The following SORCS3 variants were observed in gnomAD, a reference collection of about 807,000 sequenced individuals.
The protein encoded by SORCS3 is VPS10 domain-containing receptor SorCS3.
SORCS3 carries 57 observed loss-of-function variants against 146.3 expected under a neutral mutation model. That is an observed-to-expected ratio of 0.39 (90% CI 0.31 to 0.49). SORCS3 has a LOEUF of 0.49. SORCS3 is among the 20% of genes least tolerant of loss of function. SORCS3 has a pLI of 0.92. For missense variants in SORCS3, 1,341 were observed against 1,575.5 expected, an observed-to-expected ratio of 0.85 and a Z score of 2.52; for synonymous variants, 653 against 618.5, an observed-to-expected ratio of 1.06 and a Z score of -0.83.
At chr10:104,655,368 G>A (rs1004346836) in intron 1 of SORCS3, among the ~76,000 whole-genome samples, 1 of 151,894 alleles carries the variant, frequency 6.6e-6, no homozygotes, top group Non-Finnish European at 1.5e-5. Flanking sequence ...ATTTTGTCAT[G>A]CAGGTATTTA....
rs543539568 is a variant in SORCS3, at chr10:104,968,912, T to C, written c.796-8423T>C. Among the ~76,000 whole-genome samples the C allele has an allele frequency of 5.9e-5, 9 of 152,342 alleles. No homozygotes were observed. The East Asian group carries it at 1.2e-3, about 20-fold the overall frequency. ...TATTTTGAGGGAATGATGTGTACTT[T>C]CCGATTTGACACAGTCCTCACCAGT... On this transcript the variant is annotated intron_variant, in intron 3 of 26. Coordinates refer to ENST00000369701, the MANE Select transcript of SORCS3 (RefSeq NM_014978.3).
intron 7 of SORCS3, among the ~76,000 whole-genome samples, chr10:105,126,529 A>T (rs894215020): frequency 4.6e-5 from 7 of 152,220 alleles, no homozygotes; most frequent in Non-Finnish European, 7.3e-5. Flanking sequence ...CAGTGGGAGT[A>T]TAAGTCACAC....
chr10:105,048,126 C>T (rs1407841531), intron 5 of SORCS3, among the ~76,000 whole-genome samples: 4 of 151,588 alleles, frequency 2.6e-5, no homozygotes, highest in Non-Finnish European at 5.9e-5. Flanking sequence ...GTCAGTGTGG[C>T]GATTCCTCAG....
chr10:105,239,114 G>T (rs922717106), intron 20 of SORCS3, among the ~76,000 whole-genome samples: 1 of 152,046 alleles, frequency 6.6e-6, no homozygotes, highest in African/African-American at 2.4e-5. Flanking sequence ...TATATCACTA[G>T]TTTAGTTGAG....
At chr10:104,897,341 A>G (rs2018808377) in intron 2 of SORCS3, among the ~76,000 whole-genome samples, 2 of 152,196 alleles carry the variant, frequency 1.3e-5, no homozygotes, top group Non-Finnish European at 2.9e-5. Context: ...TCCAACAATG[A>G]TCTCAAACCC....
intron 2 of SORCS3, among the ~76,000 whole-genome samples, chr10:104,887,146 A>G (rs965898544): frequency 3.9e-5 from 6 of 152,214 alleles, no homozygotes; most frequent in Non-Finnish European, 7.3e-5. Flanking sequence ...AAAATTTAAA[A>G]CCTTCTGTGA....
At chr10:105,223,473 C>G in intron 20 of SORCS3, among the ~76,000 whole-genome samples, 1 of 152,322 alleles carries the variant, frequency 6.6e-6, no homozygotes, top group South Asian at 2.1e-4. Context: ...CTTTGAGAAA[C>G]TCTGCAAACC....
intron 20 of SORCS3, among the ~76,000 whole-genome samples, chr10:105,238,013 A>G (rs2056803017): frequency 6.6e-6 from 1 of 152,222 alleles, no homozygotes; most frequent in Admixed American, 6.5e-5. Flanking sequence ...AGAAAAACAC[A>G]TATGACATTC....
At chr10:104,681,953 C>T (rs1230222041) in intron 1 of SORCS3, among the ~76,000 whole-genome samples, 1 of 152,110 alleles carries the variant, frequency 6.6e-6, no homozygotes, top group Non-Finnish European at 1.5e-5. Context: ...CTGTAAATGT[C>T]CTGCATATTG....
At chr10:104,850,450 C>T (rs539226455) in intron 2 of SORCS3, among the ~76,000 whole-genome samples, 4 of 152,234 alleles carry the variant, frequency 2.6e-5, no homozygotes, top group African/African-American at 4.8e-5. Context: ...CCAGGCATGG[C>T]GGCATGTGCC....
At chr10:105,159,072 A>G (rs976747102) in intron 11 of SORCS3, 78 bp downstream of exon 11, 2 of 1,031,084 alleles carry the variant, frequency 1.9e-6, no homozygotes, top group Non-Finnish European at 1.5e-6. Context: ...TGGATCATGG[A>G]CTCACTTGAG....
chr10:105,074,049 A>T (rs1416066731), intron 5 of SORCS3, among the ~76,000 whole-genome samples: 1 of 152,214 alleles, frequency 6.6e-6, no homozygotes, highest in African/African-American at 2.4e-5. Context: ...CTCATTTTCC[A>T]CATTTTCAAC....
At chr10:105,150,251 A>T (rs1467086485) in intron 9 of SORCS3, among the ~76,000 whole-genome samples, 1 of 152,200 alleles carries the variant, frequency 6.6e-6, no homozygotes, top group Admixed American at 6.5e-5. Context: ...TATTGCTTTT[A>T]AAAATTATGC....
intron 21 of SORCS3, 97 bp from the exon 22 acceptor site, chr10:105,247,121 CT>C (rs2056871012): frequency 1.8e-6 from 1 of 545,344 alleles, no homozygotes; most frequent in East Asian, 3.1e-5. Flanking sequence ...AAGAGTAGAC[CT>C]TTTACCAAAA....
At chr10:104,952,890 A>G (rs920590901) in intron 3 of SORCS3, among the ~76,000 whole-genome samples, 7 of 152,228 alleles carry the variant, frequency 4.6e-5, no homozygotes, top group Non-Finnish European at 1.0e-4. Context: ...TTCAGAAACT[A>G]TATGTAGAAC....
chr10:104,897,320 A>G (rs1193190349), intron 2 of SORCS3, among the ~76,000 whole-genome samples: 1 of 152,170 alleles, frequency 6.6e-6, no homozygotes, highest in African/African-American at 2.4e-5. Flanking sequence ...CTTTCCCAGA[A>G]TTTTGTCTTT....
chr10:105,082,564 CATT>C lies in SORCS3; in HGVS notation c.1029-7207_1029-7205del, dbSNP rs773664743. Among the ~76,000 whole-genome samples the C allele has an allele frequency of 4.6e-5, 7 of 152,026 alleles. No homozygotes were observed. The East Asian group carries it at 1.4e-3, about 29-fold the overall frequency. The stretch of plus-strand genomic sequence containing the variant: ...TTTTATAGATGTGGAAACTAAAAAT[CATT>C]ATTTGCACACATGTGATGAAGAGTT... On this transcript the variant is annotated intron_variant, in intron 5 of 26. Coordinates refer to ENST00000369701, the MANE Select transcript of SORCS3 (RefSeq NM_014978.3).
chr10:105,090,197 AC>A (rs1171290643), intron 6 of SORCS3, among the ~76,000 whole-genome samples: 3 of 152,070 alleles, frequency 2.0e-5, no homozygotes, highest in Admixed American at 6.6e-5. Flanking sequence ...CAAAGTATGA[AC>A]CCTTTATATA....
At chr10:104,842,191 G>A (rs1394636710) in intron 1 of SORCS3, among the ~76,000 whole-genome samples, 2 of 152,214 alleles carry the variant, frequency 1.3e-5, no homozygotes, top group Non-Finnish European at 2.9e-5. Flanking sequence ...GGGGTTCAAT[G>A]ATCTGCTTAC....
Sources: allele counts gnomAD v4.1 joint callset (sites outside exome capture counted in the v4.1 genomes callset), GRCh38; gene constraint gnomAD v4.1.1; transcripts MANE v1.5; gene names NCBI Gene and HGNC (gene_info 2026-07-23, HGNC 2026-07-21).